Variants in CGNL1 observed in about 807,000 individuals in gnomAD.
CGNL1 encodes the protein cingulin like 1.
In CGNL1, 132 loss-of-function variants were observed where a neutral mutation model predicts 141.2. The observed-to-expected ratio is 0.93, with a 90% CI of 0.81 to 1.08. CGNL1 has a LOEUF of 1.08. Ranked by LOEUF, CGNL1 falls within the 50% of genes least tolerant of loss-of-function variation. The probability of loss-of-function intolerance (pLI) is 0.00; values close to 1 mark genes in which losing one functional copy is unlikely to be tolerated. For missense variants in CGNL1, 1,870 were observed against 1,588.6 expected (o/e 1.18, Z -3.01); for synonymous variants, 690 against 622.1 (o/e 1.11, Z -1.63).
intron 1 of CGNL1, among the ~76,000 whole-genome samples, chr15:57,433,071 G>A (rs995108207): frequency 9.3e-5 from 14 of 150,362 alleles, no homozygotes; most frequent in African/African-American, 3.3e-4. Flanking sequence ...ACACTTATTG[G>A]TGAGTAGAAT....
chr15:57,436,511 TG>T (rs1266165477), intron 1 of CGNL1, among the ~76,000 whole-genome samples: 2 of 151,988 alleles, frequency 1.3e-5, no homozygotes, highest in African/African-American at 2.4e-5. Context: ...TTCCTATCTC[TG>T]GGGAAAAGTT....
chr15:57,400,117 T>C (rs2062643518), intron 1 of CGNL1, among the ~76,000 whole-genome samples: 1 of 151,860 alleles, frequency 6.6e-6, no homozygotes, highest in African/African-American at 2.4e-5. Context: ...CCTAAGCCTC[T>C]CGAGTAGTTG....
At chr15:57,493,727 AC>A (rs2063898922) in intron 8 of CGNL1, among the ~76,000 whole-genome samples, 1 of 152,200 alleles carries the variant, frequency 6.6e-6, no homozygotes. Context: ...AGTTTTAGAA[AC>A]CTTTGAAGTA....
intron 7 of CGNL1, among the ~76,000 whole-genome samples, chr15:57,459,122 G>A (rs1466786378): frequency 1.3e-5 from 2 of 152,202 alleles, no homozygotes; most frequent in African/African-American, 2.4e-5. Context: ...GTCCCCCGGT[G>A]GCAACCATGC....
At position 57,516,777 on chromosome 15, in the gene CGNL1, C is replaced by T. The variant is rs559530673; in HGVS notation, c.2404-3C>T. The T allele has an allele frequency of 3.1e-6, 5 of 1,613,846 alleles. No individual in the cohort carries two copies. Among genetic ancestry groups the T allele is most frequent in the East Asian group, 2.2e-5 (1 of 44,866 alleles). On this transcript the variant is annotated splice_polypyrimidine_tract_variant and splice_region_variant and intron_variant, in intron 8 of 18. Transcript: ENST00000281282. ...TTGTTCATTTGCTTTGTGTTTTTAACAGAATGTCGAGGTCTTGGCGAGCAG... is the reference window on the plus strand; with the variant it reads ...TTGTTCATTTGCTTTGTGTTTTTAATAGAATGTCGAGGTCTTGGCGAGCAG...
At chr15:57,389,925 T>C (rs2013286) in intron 1 of CGNL1, among the ~76,000 whole-genome samples, 39,801 of 151,926 alleles carry the variant, frequency 0.26, 5,598 homozygotes, top group Middle Eastern at 0.35. Context: ...AAGCGATTCT[T>C]CTATCTCAGC....
At chr15:57,526,767 G>A (rs1404179635) in intron 12 of CGNL1, among the ~76,000 whole-genome samples, 1 of 152,094 alleles carries the variant, frequency 6.6e-6, no homozygotes, top group African/African-American at 2.4e-5. Flanking sequence ...CTCTTCTGCC[G>A]GCCCTCGTCA....
intron 14 of CGNL1, among the ~76,000 whole-genome samples, chr15:57,542,040 C>A (rs1384357117): frequency 6.6e-6 from 1 of 152,178 alleles, no homozygotes; most frequent in Non-Finnish European, 1.5e-5. Flanking sequence ...TGCTGTGTGA[C>A]ACACCTCGGT....
chr15:57,427,874 C>A (rs572078164), intron 1 of CGNL1, among the ~76,000 whole-genome samples: 24 of 152,030 alleles, frequency 1.6e-4, no homozygotes, highest in Non-Finnish European at 3.1e-4. Flanking sequence ...AAGGAAAGCC[C>A]CCTTGAGGCT....
chr15:57,415,137 A>C (rs1183025071), intron 1 of CGNL1, among the ~76,000 whole-genome samples: 1 of 152,190 alleles, frequency 6.6e-6, no homozygotes, highest in Non-Finnish European at 1.5e-5. Flanking sequence ...CGGTCTGAAC[A>C]TTTAAGTCCT....
At chr15:57,420,940 A>G (rs865994282) in intron 1 of CGNL1, among the ~76,000 whole-genome samples, 10 of 152,192 alleles carry the variant, frequency 6.6e-5, no homozygotes, top group Non-Finnish European at 5.9e-5. Flanking sequence ...TCCATTTGCT[A>G]TGGGCTGAAT....
chr15:57,492,878 C>T (rs1267554415), intron 8 of CGNL1, among the ~76,000 whole-genome samples: 3 of 152,210 alleles, frequency 2.0e-5, no homozygotes, highest in African/African-American at 7.2e-5. Flanking sequence ...CTCAGGCCCA[C>T]ACATCACTGA....
intron 8 of CGNL1, among the ~76,000 whole-genome samples, chr15:57,498,949 ATTTGT>A (rs1430010271): frequency 6.6e-6 from 1 of 151,874 alleles, no homozygotes; most frequent in Admixed American, 6.6e-5. Context: ...AATTAAGGAG[ATTTGT>A]TTTTTATTTT....
At chr15:57,389,479 C>T (rs1220083273) in intron 1 of CGNL1, among the ~76,000 whole-genome samples, 6 of 152,194 alleles carry the variant, frequency 3.9e-5, no homozygotes, top group Non-Finnish European at 1.5e-5. Flanking sequence ...AATGAGCAGA[C>T]ACTTTTTCAA....
chr15:57,444,506 G>T (rs528598566), intron 4 of CGNL1, among the ~76,000 whole-genome samples: 33 of 152,268 alleles, frequency 2.2e-4, no homozygotes, highest in Admixed American at 6.5e-5. Flanking sequence ...ATACCTGTTT[G>T]TTCTTAGAGT....
At chr15:57,502,088 T>C (rs1473791487) in intron 8 of CGNL1, among the ~76,000 whole-genome samples, 1 of 152,204 alleles carries the variant, frequency 6.6e-6, no homozygotes, top group Non-Finnish European at 1.5e-5. Flanking sequence ...GTTTTGATTT[T>C]GGCCCCCATG....
chr15:57,465,166 G>T (rs145804663), intron 8 of CGNL1, among the ~76,000 whole-genome samples: 1 of 152,238 alleles, frequency 6.6e-6, no homozygotes, highest in East Asian at 1.9e-4. Context: ...GGGGACAAAT[G>T]TGTCAATTTA....
At chr15:57,530,497 A>T (rs544006933) in intron 13 of CGNL1, among the ~76,000 whole-genome samples, 14 of 152,322 alleles carry the variant, frequency 9.2e-5, no homozygotes, top group African/African-American at 3.4e-4. Flanking sequence ...TCAAGACTCA[A>T]GAGCTCTCCT....
At position 57,452,297 on chromosome 15, in the gene CGNL1, C is replaced by G; in HGVS notation, c.2054+8C>G. 6.2e-7 allele frequency: 1 copy of G among 1,611,326 alleles called. No individual in the cohort carries two copies. Among genetic ancestry groups the G allele is most frequent in the Non-Finnish European group, 8.5e-7 (1 of 1,178,782 alleles). On this transcript the variant is annotated splice_region_variant and intron_variant, in intron 6 of 18. Coordinates refer to ENST00000281282, the MANE Select transcript of CGNL1 (RefSeq NM_032866.5). ...CCGGAAGAATCTGGAGGAGTAAGTT[C>G]TGGGCTGAGAGCCTGTTGCCCTTCC...
Sources: allele counts gnomAD v4.1 joint callset (sites outside exome capture counted in the v4.1 genomes callset), GRCh38; gene constraint gnomAD v4.1.1; transcripts MANE v1.5; gene names NCBI Gene and HGNC (gene_info 2026-07-23, HGNC 2026-07-21).